Variants in RGS6 observed in about 807,000 individuals in gnomAD.
RGS6 encodes the protein regulator of G-protein signaling 6.
Under a neutral mutation model 78.5 loss-of-function variants are expected in RGS6, and 30 were observed. That is an observed-to-expected ratio of 0.38 (90% confidence interval 0.29 to 0.52). RGS6 has a LOEUF of 0.52. RGS6 is among the 20% of genes least tolerant of loss of function. RGS6 has a pLI of 0.85. For synonymous variants in RGS6, 206 were observed against 206.0 expected (o/e 1.00, Z 0.00); for missense variants, 495 against 609.7 (o/e 0.81, Z 1.98).
At chr14:72,116,616 A>G (rs12879713) in intron 2 of RGS6, among the ~76,000 whole-genome samples, 48,185 of 151,806 alleles carry the variant, frequency 0.32, 8,463 homozygotes, top group Admixed American at 0.39. Flanking sequence ...TGTGTTTCAG[A>G]AGAGACAGAA....
chr14:72,295,992 C>T (rs917334017), intron 2 of RGS6, among the ~76,000 whole-genome samples: 30 of 152,292 alleles, frequency 2.0e-4, no homozygotes, highest in African/African-American at 4.8e-4. Context: ...TTCCATCATG[C>T]GGGAAAGTTC....
At chr14:72,538,717 A>G (rs1004021598) in intron 16 of RGS6, among the ~76,000 whole-genome samples, 1 of 152,248 alleles carries the variant, frequency 6.6e-6, no homozygotes, top group African/African-American at 2.4e-5. Flanking sequence ...GGGGCCAAGC[A>G]TGAGTCCTTC....
intron 3 of RGS6, among the ~76,000 whole-genome samples, chr14:72,383,407 C>T (rs1013745880): frequency 6.6e-6 from 1 of 151,738 alleles, no homozygotes; most frequent in Non-Finnish European, 1.5e-5. Flanking sequence ...AGACAGGAGA[C>T]GATTGAACAT....
the RGS6 span, among the ~76,000 whole-genome samples, chr14:72,578,374 G>A: frequency 6.6e-6 from 1 of 152,090 alleles, no homozygotes; most frequent in South Asian, 2.1e-4. Flanking sequence ...TGCCCCACCT[G>A]CCATCAAATC....
chr14:72,309,253 T>G (rs1185930294), intron 2 of RGS6, among the ~76,000 whole-genome samples: 3 of 152,180 alleles, frequency 2.0e-5, no homozygotes, highest in Admixed American at 2.0e-4. Context: ...TACAGGGCAG[T>G]GGATGTGAGA....
At chr14:72,283,005 C>T (rs1055289727) in intron 2 of RGS6, among the ~76,000 whole-genome samples, 2 of 152,180 alleles carry the variant, frequency 1.3e-5, no homozygotes, top group African/African-American at 2.4e-5. Flanking sequence ...TTACAATCCT[C>T]ATATAAGTGT....
chr14:72,434,174 A>G (rs2094793045), intron 3 of RGS6, among the ~76,000 whole-genome samples: 1 of 151,984 alleles, frequency 6.6e-6, no homozygotes, highest in Non-Finnish European at 1.5e-5. Flanking sequence ...CATCTCCACA[A>G]AAAAATTAAA....
At chr14:72,117,038 G>A (rs2153561286) in intron 2 of RGS6, among the ~76,000 whole-genome samples, 1 of 151,330 alleles carries the variant, frequency 6.6e-6, no homozygotes, top group East Asian at 1.9e-4. Flanking sequence ...GGTGGTTGAG[G>A]AAGCCCTTGC....
chr14:71,982,874 A>G (rs12897542), intron 2 of RGS6, among the ~76,000 whole-genome samples: 23,240 of 152,198 alleles, frequency 0.15, 2,163 homozygotes, highest in Non-Finnish European at 0.2. Flanking sequence ...TTTCTGAAAC[A>G]TCTAGTTAGC....
At chr14:71,888,672 G>C in the RGS6 span, among the ~76,000 whole-genome samples, 1 of 151,974 alleles carries the variant, frequency 6.6e-6, no homozygotes, top group Non-Finnish European at 1.5e-5. Context: ...AAAAAAATAG[G>C]TGGTCAAGGG....
At chr14:72,272,397 TG>T (rs1487199398) in intron 2 of RGS6, among the ~76,000 whole-genome samples, 1 of 152,160 alleles carries the variant, frequency 6.6e-6, no homozygotes, top group African/African-American at 2.4e-5. Flanking sequence ...GACTACTGAG[TG>T]TCAGTAGGCA....
At chr14:72,626,762 C>T in the RGS6 span, among the ~76,000 whole-genome samples, 1 of 152,006 alleles carries the variant, frequency 6.6e-6, no homozygotes, top group South Asian at 2.1e-4. Context: ...AAATTTCCCT[C>T]CCCAGGGTTG....
rs74725334 is a variant in RGS6, at chr14:72,522,288, A to G, written c.1278+3751A>G. Among the ~76,000 whole-genome samples the G allele has an allele frequency of 4.0e-3, 616 of 152,264 alleles. 3 individuals carry two copies. The highest frequency in any genetic ancestry group is 0.014 in the African/African-American group (571 of 41,552). On this transcript the variant is annotated intron_variant, in intron 15 of 17. Transcript: ENST00000553525. ...TAATCCCGTCATAAGGGCCTCTCTC[A>G]TGACCTCATTTGAACCTAATTACCT... is the stretch of plus-strand genomic sequence containing the variant.
chr14:72,542,625 CG>C (rs1054886548), intron 17 of RGS6, among the ~76,000 whole-genome samples: 10 of 152,242 alleles, frequency 6.6e-5, no homozygotes, highest in African/African-American at 2.4e-4. Context: ...GGACCAAAGA[CG>C]TGAGGCCAAT....
intron 17 of RGS6, among the ~76,000 whole-genome samples, chr14:72,560,701 A>G (rs777591665): frequency 1.3e-5 from 2 of 152,100 alleles, no homozygotes; most frequent in Non-Finnish European, 2.9e-5. Flanking sequence ...AATCTGATTA[A>G]AAACTCCTTA....
intron 2 of RGS6, among the ~76,000 whole-genome samples, chr14:72,283,112 T>C (rs1257657947): frequency 2.6e-5 from 4 of 152,242 alleles, no homozygotes; most frequent in Admixed American, 1.3e-4. Context: ...GAATTTCCTT[T>C]TTTAAGGCTG....
intron 17 of RGS6, among the ~76,000 whole-genome samples, chr14:72,549,064 G>A (rs182119433): frequency 3.3e-5 from 5 of 152,286 alleles, no homozygotes; most frequent in South Asian, 2.1e-4. Context: ...TCCTGGAAAA[G>A]GAGAATGAAT....
At chr14:71,996,019 T>C (rs879793297) in intron 2 of RGS6, among the ~76,000 whole-genome samples, 1 of 152,296 alleles carries the variant, frequency 6.6e-6, no homozygotes, top group Non-Finnish European at 1.5e-5. Flanking sequence ...TCCCGAGGCC[T>C]TCCGAGTCAC....
At chr14:71,903,892 C>T in the RGS6 span, among the ~76,000 whole-genome samples, 1 of 152,126 alleles carries the variant, frequency 6.6e-6, no homozygotes, top group Non-Finnish European at 1.5e-5. Context: ...ACTTTGGAGA[C>T]TACCTGTTTA....
Sources: gnomAD v4.1 joint callset for allele counts (sites outside exome capture counted in the v4.1 genomes callset) on GRCh38, gnomAD v4.1.1 for gene constraint, MANE v1.5 for transcripts, NCBI Gene and HGNC (gene_info 2026-07-23, HGNC 2026-07-21) for gene names.